The following SLC35F4 variants were observed in gnomAD, a reference collection of about 807,000 sequenced individuals.
SLC35F4 encodes the protein solute carrier family 35 member F4.
In SLC35F4, 24 loss-of-function variants were observed where a neutral mutation model predicts 44.2. The ratio of observed to expected loss-of-function variants is 0.54; its 90% CI spans 0.39 to 0.76. SLC35F4 has a LOEUF of 0.76. SLC35F4 is among the 30% of genes least tolerant of loss of function. The probability of loss-of-function intolerance (pLI) is 0.00; values close to 1 mark genes in which losing one functional copy is unlikely to be tolerated. For missense variants in SLC35F4, 562 were observed against 586.1 expected (o/e 0.96, Z 0.42); for synonymous variants, 238 against 223.6 (o/e 1.06, Z -0.57).
chr14:57,840,553 C>T (rs1467788936), intron 1 of SLC35F4, among the ~76,000 whole-genome samples: 2 of 152,138 alleles, frequency 1.3e-5, no homozygotes, highest in Non-Finnish European at 2.9e-5. Context: ...TTCTAGGAAA[C>T]GGGCTTTGAC....
At chr14:57,586,717 C>CAAAAAAAAAAA (rs543963927) in intron 3 of SLC35F4, among the ~76,000 whole-genome samples, 265 of 12,492 alleles carry the variant, frequency 0.021, 65 homozygotes, top group East Asian at 0.13. Flanking sequence ...GACTCTGTCT[C>CAAAAAAAAAAA]AAAAAAAAAA....
chr14:57,583,674 G>A (rs181307768), intron 3 of SLC35F4, among the ~76,000 whole-genome samples: 81 of 152,176 alleles, frequency 5.3e-4, no homozygotes, highest in Non-Finnish European at 9.0e-4. Flanking sequence ...TCATTCCCTC[G>A]TTCTTCCCCT....
chr14:57,694,581 T>A (rs952201930), intron 1 of SLC35F4, among the ~76,000 whole-genome samples: 1 of 152,170 alleles, frequency 6.6e-6, no homozygotes, highest in East Asian at 1.9e-4. Flanking sequence ...GAACTAATGT[T>A]GAGAGTTTGA....
At chr14:57,653,977 C>T (rs4901805) in intron 1 of SLC35F4, among the ~76,000 whole-genome samples, 151,697 of 152,276 alleles carry the variant, frequency 1, 75,582 homozygotes, top group Middle Eastern at 1. Flanking sequence ...TGGCAATCCT[C>T]GATTGCAGAA....
intron 1 of SLC35F4, among the ~76,000 whole-genome samples, chr14:57,635,793 T>C (rs779190165): frequency 2.0e-5 from 3 of 152,144 alleles, no homozygotes; most frequent in Non-Finnish European, 2.9e-5. Context: ...GCTGTTTTGA[T>C]TTCTGAGAAC....
At chr14:57,854,716 C>T (rs1193524016) in intron 1 of SLC35F4, among the ~76,000 whole-genome samples, 5 of 152,202 alleles carry the variant, frequency 3.3e-5, no homozygotes, top group Non-Finnish European at 1.5e-5. Context: ...CACTGGCTGT[C>T]GATTTGCCTC....
At chr14:57,878,388 G>A (rs1378683512) in intron 1 of SLC35F4, among the ~76,000 whole-genome samples, 1 of 151,992 alleles carries the variant, frequency 6.6e-6, no homozygotes, top group Non-Finnish European at 1.5e-5. Context: ...ACAACTGAAT[G>A]GTTCAACAGG....
chr14:57,819,344 G>C (rs904306164), intron 1 of SLC35F4, among the ~76,000 whole-genome samples: 2 of 151,932 alleles, frequency 1.3e-5, no homozygotes, highest in Non-Finnish European at 2.9e-5. Flanking sequence ...TATATAAATA[G>C]ATACACAATG....
intron 1 of SLC35F4, among the ~76,000 whole-genome samples, chr14:57,766,332 T>C (rs1392427785): frequency 6.6e-6 from 1 of 152,192 alleles, no homozygotes; most frequent in Non-Finnish European, 1.5e-5. Context: ...TAAGTATTCA[T>C]GGAAAGTTTT....
At chr14:57,742,217 A>G (rs1009845892) in intron 1 of SLC35F4, among the ~76,000 whole-genome samples, 1 of 152,248 alleles carries the variant, frequency 6.6e-6, no homozygotes, top group African/African-American at 2.4e-5. Flanking sequence ...AAATTCACAC[A>G]TAACAGTATT....
rs148800587 is a variant in SLC35F4 at position 57,615,066 on chromosome 14, A to G, written c.104-20942T>C. ...TTTCAGTCTAAACTTTTAAAATTTT[A>G]TGAGGACCTTGTGACTTAATACCAG... On this transcript the variant is annotated intron_variant, in intron 1 of 7. Coordinates refer to ENST00000556826, the MANE Select transcript of SLC35F4 (RefSeq NM_001306087.2). 1.4e-4 allele frequency among the ~76,000 whole-genome samples: 22 copies of G among 152,372 alleles called. No homozygotes were observed. In the East Asian group the frequency reaches 4.0e-3, roughly 28 times the overall value.
chr14:57,610,086 C>A (rs2071404082), intron 1 of SLC35F4, among the ~76,000 whole-genome samples: 1 of 152,190 alleles, frequency 6.6e-6, no homozygotes, highest in Admixed American at 6.5e-5. Flanking sequence ...GGAGTTTTGG[C>A]AACTCTTATT....
intron 1 of SLC35F4, among the ~76,000 whole-genome samples, chr14:57,677,466 G>A (rs959955649): frequency 6.6e-6 from 1 of 152,106 alleles, no homozygotes; most frequent in South Asian, 2.1e-4. Flanking sequence ...CATAAAGCAA[G>A]TATAGTAATG....
At chr14:57,810,497 C>T (rs949460852) in intron 1 of SLC35F4, among the ~76,000 whole-genome samples, 1 of 152,130 alleles carries the variant, frequency 6.6e-6, no homozygotes, top group Non-Finnish European at 1.5e-5. Flanking sequence ...CAAAATTATT[C>T]CTGACACCAT....
chr14:57,729,445 C>T lies in SLC35F4; in HGVS notation c.104-135321G>A, dbSNP rs796806103. Among the ~76,000 whole-genome samples, 7 of 152,306 alleles carry T rather than the reference C, an allele frequency of 4.6e-5. 1 individual carries two copies. Among genetic ancestry groups the T allele is most frequent in the African/African-American group, 1.7e-4 (7 of 41,568 alleles). ...ATTCAGGAACCAAGGGCTCTTTAGT[C>T]AGCAGGTGATGAATCCTGCCAAGAC... is the stretch of plus-strand genomic sequence containing the variant. On this transcript the variant is annotated intron_variant, in intron 1 of 7. Transcript: ENST00000556826.
intron 1 of SLC35F4, among the ~76,000 whole-genome samples, chr14:57,844,814 C>T (rs1885850553): frequency 6.6e-6 from 1 of 152,172 alleles, no homozygotes; most frequent in Non-Finnish European, 1.5e-5. Flanking sequence ...TGACTCTTCA[C>T]TGCCCTCCGC....
intron 1 of SLC35F4, among the ~76,000 whole-genome samples, chr14:57,773,020 G>GT (rs202043122): frequency 8.6e-4 from 130 of 151,830 alleles, no homozygotes; most frequent in African/African-American, 1.8e-3. Flanking sequence ...AACATCTGTT[G>GT]TTTTTTTTGA....
intron 1 of SLC35F4, among the ~76,000 whole-genome samples, chr14:57,896,501 T>A (rs2045621128): frequency 6.6e-6 from 1 of 152,188 alleles, no homozygotes; most frequent in African/African-American, 2.4e-5. Flanking sequence ...ATTCCCTTCT[T>A]GATCTGGGCA....
chr14:57,904,522 T>TGATTTC (rs1281538435), intron 1 of SLC35F4, among the ~76,000 whole-genome samples: 2 of 152,198 alleles, frequency 1.3e-5, no homozygotes, highest in Non-Finnish European at 2.9e-5. Flanking sequence ...AAAGTCAAAC[T>TGATTTC]GATTTCAAAT....
Sources: allele counts gnomAD v4.1 joint callset (sites outside exome capture counted in the v4.1 genomes callset), GRCh38; gene constraint gnomAD v4.1.1; transcripts MANE v1.5; gene names NCBI Gene and HGNC (gene_info 2026-07-23, HGNC 2026-07-21).